The following CAMTA1 variants were observed in gnomAD, a reference collection of about 807,000 sequenced individuals.
The protein encoded by CAMTA1 is calmodulin-binding transcription activator 1.
Under a neutral mutation model 170.9 loss-of-function variants are expected in CAMTA1, and 27 were observed. The ratio of observed to expected loss-of-function variants is 0.16; its 90% CI spans 0.12 to 0.22. The LOEUF (loss-of-function observed/expected upper bound fraction) is 0.22, where lower values mean the gene tolerates loss of function less well. CAMTA1 is among the 10% of genes least tolerant of loss of function. CAMTA1 has a pLI of 1.00. For synonymous variants in CAMTA1, 833 were observed against 891.5 expected, an observed-to-expected ratio of 0.93 and a Z score of 1.17; for missense variants, 1,619 against 2,217.2, an observed-to-expected ratio of 0.73 and a Z score of 5.42.
At chr1:7,492,765 ACATACACAAGTG>A (rs1391369254) in intron 6 of CAMTA1, among the ~76,000 whole-genome samples, 10 of 110,804 alleles carry the variant, frequency 9.0e-5, no homozygotes, top group South Asian at 3.2e-4. Flanking sequence ...ACACAAACCT[ACATACACAAGTG>A]CACACACAAA....
At chr1:7,676,312 G>A (rs550145029) in intron 10 of CAMTA1, among the ~76,000 whole-genome samples, 2 of 152,360 alleles carry the variant, frequency 1.3e-5, no homozygotes, top group Admixed American at 1.3e-4. Flanking sequence ...TTGTGGCCTG[G>A]AGCTGAGGTT....
Position 7,286,178 on chromosome 1 carries a change from A to G in CAMTA1, c.438+36552A>G, listed in dbSNP as rs979115305. Among the ~76,000 whole-genome samples the G allele has an allele frequency of 3.4e-4, 51 of 152,094 alleles. No individual in the cohort carries two copies. The highest frequency in any genetic ancestry group is 1.1e-3 in the African/African-American group (46 of 41,414). ...AGCCTGCTGGTGGGGGGCAGAGAGGAAAGACCTCACAGGGAGATTGGCATG... is the reference window on the plus strand; with the variant it reads ...AGCCTGCTGGTGGGGGGCAGAGAGGGAAGACCTCACAGGGAGATTGGCATG... On this transcript the variant is annotated intron_variant, in intron 5 of 22. Coordinates refer to ENST00000303635, the MANE Select transcript of CAMTA1 (RefSeq NM_015215.4). The surrounding 1 kb of genome is among the most constrained non-coding windows in gnomAD (Gnocchi z 4.2).
rs879255532 is a variant in CAMTA1, at chr1:6,825,130, T to A, written c.154T>A (p.Phe52Ile). ...CAGCAATAGTAGTCATGTAAAAATCTTTTTACCGAAAAAGCTGCTTGAATG... is the reference window on the plus strand; with the variant it reads ...CAGCAATAGTAGTCATGTAAAAATCATTTTACCGAAAAAGCTGCTTGAATG... ...GNSNSSHVKI[F>I]LPKKLLECLP... is the part of the protein sequence containing the mutation. Residue 52 changes from phenylalanine (F) to isoleucine (I), a missense_variant, in exon 3 of 23, where the codon TTT becomes ATT. Physicochemically the swap from Phe to Ile is conservative, Grantham distance 21. This residue lies in a region of CAMTA1 where 97 missense variants were observed against 225.4 expected (regional missense o/e 0.43). Transcript: ENST00000303635. 1 of 1,610,008 alleles carries A rather than the reference T, an allele frequency of 6.2e-7. No homozygotes were observed. The highest frequency in any genetic ancestry group is 8.5e-7 in the Non-Finnish European group (1 of 1,178,338).
In CAMTA1 at chr1:7,664,565, A is replaced by T; in HGVS notation, c.2018A>T (p.His673Leu). The change falls in exon 9 of 23, where the codon CAC becomes CTC. Residue 673 changes from histidine to leucine, a missense_variant. Coordinates refer to ENST00000303635, the MANE Select transcript of CAMTA1 (RefSeq NM_015215.4). ...CGGATCGAGTCCACTTCCTCCCTCC[A>T]CCTCATGCAGTTCCAGGCCAACTTC... ...ETRIESTSSL[H>L]LMQFQANFQA... The T allele has an allele frequency of 6.2e-7, 1 of 1,612,922 alleles. No homozygotes were observed. The highest frequency in any genetic ancestry group is 1.1e-5 in the South Asian group (1 of 91,070).
At chr1:7,186,827 C>T (rs147556229) in intron 4 of CAMTA1, among the ~76,000 whole-genome samples, 14 of 152,212 alleles carry the variant, frequency 9.2e-5, no homozygotes, top group East Asian at 1.9e-4. Flanking sequence ...ATATACACCA[C>T]GCTGGCAGTG....
At chr1:6,796,477 T>C (rs1642554632) in intron 1 of CAMTA1, among the ~76,000 whole-genome samples, 2 of 152,222 alleles carry the variant, frequency 1.3e-5, no homozygotes, top group Admixed American at 1.3e-4. Context: ...AGTTGGAAGA[T>C]TATATAATGC....
chr1:7,404,428 G>A (rs1017617180), intron 5 of CAMTA1, among the ~76,000 whole-genome samples: 1 of 152,234 alleles, frequency 6.6e-6, no homozygotes. Context: ...ACCCCCAAGT[G>A]TCCACGAGAA....
chr1:6,980,843 T>C (rs1694314904), intron 3 of CAMTA1, among the ~76,000 whole-genome samples: 1 of 152,224 alleles, frequency 6.6e-6, no homozygotes, highest in East Asian at 1.9e-4. Context: ...CTTTATAAAT[T>C]ACTCAGTCTT....
intron 3 of CAMTA1, among the ~76,000 whole-genome samples, chr1:6,899,026 C>T (rs1476624786): frequency 1.3e-5 from 2 of 152,140 alleles, no homozygotes; most frequent in Non-Finnish European, 2.9e-5. Flanking sequence ...CCAGGTAAGT[C>T]TCTAGGATCT....
rs150528145 is a variant in CAMTA1 at position 6,907,215 on chromosome 1, C to G, written c.234+82005C>G. ...AAGAGTTATAGGATGTTCTGGAGGC[C>G]GAGCAGCATCATCAACATTCAGTGT... is the stretch of plus-strand genomic sequence containing the variant. On this transcript the variant is annotated intron_variant, in intron 3 of 22. Transcript: ENST00000303635. 2.6e-5 allele frequency among the ~76,000 whole-genome samples: 4 copies of G among 152,240 alleles called. No homozygotes were observed. The East Asian group carries it at 7.7e-4, about 29-fold the overall frequency.
Position 7,265,426 on chromosome 1 carries a change from G to A in CAMTA1, c.438+15800G>A, listed in dbSNP as rs1421685793. 3.9e-5 allele frequency among the ~76,000 whole-genome samples: 6 copies of A among 152,056 alleles called. No homozygotes were observed. The South Asian group carries it at 1.2e-3, about 31-fold the overall frequency. ...CTTCCCGGGTTCAAGTGATTCTCCT[G>A]CCTCAGCCTCTTAAGTAACTGGGAT... is the stretch of plus-strand genomic sequence containing the variant. On this transcript the variant is annotated intron_variant, in intron 5 of 22. Transcript: ENST00000303635.
intron 4 of CAMTA1, among the ~76,000 whole-genome samples, chr1:7,124,381 A>G (rs963194408): frequency 6.6e-6 from 1 of 152,136 alleles, no homozygotes; most frequent in South Asian, 2.1e-4. Flanking sequence ...AGAATATTCT[A>G]TCCCGCCTTC....
In CAMTA1 at chr1:7,300,415, G is replaced by A. The variant is rs1455156687; in HGVS notation, c.438+50789G>A. Among the ~76,000 whole-genome samples the A allele has an allele frequency of 2.6e-5, 4 of 152,168 alleles. No homozygotes were observed. The highest frequency in any genetic ancestry group is 7.2e-5 in the African/African-American group (3 of 41,428). ...ATAGAGGCCAGGCGCAGTGGCTCAC[G>A]CCTGTAATCCCCATACTTTGGGAGG... On this transcript the variant is annotated intron_variant, in intron 5 of 22. Coordinates refer to ENST00000303635, the MANE Select transcript of CAMTA1 (RefSeq NM_015215.4). This position sits in a 1 kb window ranked among gnomAD's most constrained non-coding sequence, Gnocchi z 4.1.
chr1:7,661,760 C>A lies in CAMTA1; in HGVS notation c.699C>A (p.Asn233Lys). Residue 233 changes from asparagine to lysine, a missense_variant, in exon 8 of 23, where the codon AAC (asparagine) becomes AAA (lysine). By Grantham distance (94) the Asn-to-Lys change is moderately conservative. This residue lies in a region of CAMTA1 where 731 missense variants were observed against 907.6 expected (regional missense o/e 0.81). Coordinates refer to ENST00000303635, the MANE Select transcript of CAMTA1 (RefSeq NM_015215.4). ...TCAAGTGGACCTGCAGCAATGGGAACAGCAGCTCAGGCTTCTCGGTGGAAC... is the reference window on the plus strand; with the variant it reads ...TCAAGTGGACCTGCAGCAATGGGAAAAGCAGCTCAGGCTTCTCGGTGGAAC... ...HGIKWTCSNG[N>K]SSSGFSVEQL... 6.2e-7 allele frequency: 1 copy of A among 1,614,010 alleles called. No homozygotes were observed. Among genetic ancestry groups the A allele is most frequent in the East Asian group, 2.2e-5 (1 of 44,868 alleles).
chr1:7,557,620 T>A (rs2094897128), intron 6 of CAMTA1, among the ~76,000 whole-genome samples: 1 of 152,212 alleles, frequency 6.6e-6, no homozygotes, highest in Non-Finnish European at 1.5e-5. Flanking sequence ...ATGCCAGAAC[T>A]CAGTGGGCGG....
chr1:6,868,815 G>T (rs1052927159), intron 3 of CAMTA1, among the ~76,000 whole-genome samples: 1 of 152,172 alleles, frequency 6.6e-6, no homozygotes, highest in Non-Finnish European at 1.5e-5. Flanking sequence ...AGTGAAACTT[G>T]GTGTGTTTCT....
intron 3 of CAMTA1, among the ~76,000 whole-genome samples, chr1:6,884,935 G>A (rs974838862): frequency 1.3e-5 from 2 of 152,084 alleles, no homozygotes; most frequent in African/African-American, 4.8e-5. Context: ...ATGACAGAAA[G>A]CTCAGTTAAT....
At chr1:7,655,955 T>C (rs991396753) in intron 7 of CAMTA1, among the ~76,000 whole-genome samples, 1 of 152,186 alleles carries the variant, frequency 6.6e-6, no homozygotes, top group Non-Finnish European at 1.5e-5. Context: ...AGTGCAACTG[T>C]GTCTGGAGGT....
At chr1:7,476,945 C>A (rs969630832) in intron 6 of CAMTA1, among the ~76,000 whole-genome samples, 1 of 152,180 alleles carries the variant, frequency 6.6e-6, no homozygotes, top group African/African-American at 2.4e-5. Flanking sequence ...GCCTCCGCAG[C>A]CCCCGCCATG....
Sources: allele counts gnomAD v4.1 joint callset (sites outside exome capture counted in the v4.1 genomes callset), GRCh38; gene constraint gnomAD v4.1.1; regional missense constraint gnomAD v4.1.1; non-coding constraint Gnocchi (gnomAD v3.1); transcripts MANE v1.5; gene names NCBI Gene and HGNC (gene_info 2026-07-23, HGNC 2026-07-21).